Variants in COMMD10 observed in about 807,000 individuals in gnomAD.
COMMD10 encodes COMM domain containing 10.
COMMD10 carries 33 observed loss-of-function variants against 28.9 expected under a neutral mutation model. The observed-to-expected ratio is 1.14, with a 90% CI of 0.87 to 1.53. The LOEUF (loss-of-function observed/expected upper bound fraction) is 1.53, where lower values mean the gene tolerates loss of function less well. Among genes scored for constraint, COMMD10 ranks in the 40% most tolerant of loss-of-function variants. COMMD10 has a pLI of 0.00. For synonymous variants in COMMD10, 110 were observed against 81.7 expected, an observed-to-expected ratio of 1.35 and a Z score of -1.87; for missense variants, 310 against 233.4, an observed-to-expected ratio of 1.33 and a Z score of -2.14.
At chr5:116,117,337 A>G (rs757584604) in intron 4 of COMMD10, among the ~76,000 whole-genome samples, 4 of 152,118 alleles carry the variant, frequency 2.6e-5, no homozygotes, top group Non-Finnish European at 5.9e-5. Context: ...GAGACTTCCT[A>G]TTTAAGTTTT....
chr5:116,126,474 C>G (rs990025737), intron 4 of COMMD10, among the ~76,000 whole-genome samples: 4 of 152,086 alleles, frequency 2.6e-5, no homozygotes, highest in Non-Finnish European at 5.9e-5. Context: ...CAAGTCAATC[C>G]TAAGCAAAAA....
chr5:116,111,148 A>G (rs1370440306), intron 4 of COMMD10, among the ~76,000 whole-genome samples: 1 of 151,998 alleles, frequency 6.6e-6, no homozygotes, highest in African/African-American at 2.4e-5. Context: ...TTCTTATTAT[A>G]TTTGGATCTT....
At chr5:116,215,111 A>G (rs905592216) in intron 5 of COMMD10, among the ~76,000 whole-genome samples, 1 of 152,034 alleles carries the variant, frequency 6.6e-6, no homozygotes, top group Non-Finnish European at 1.5e-5. Flanking sequence ...GAGAGAAAAT[A>G]TATTTTATTG....
chr5:116,121,993 T>C (rs1317683191), intron 4 of COMMD10, among the ~76,000 whole-genome samples: 2 of 152,120 alleles, frequency 1.3e-5, no homozygotes, highest in African/African-American at 4.8e-5. Flanking sequence ...TTAATTAGAT[T>C]CCATTTGACT....
intron 5 of COMMD10, chr5:116,218,034 C>A: frequency 9.2e-7 from 1 of 1,091,116 alleles, no homozygotes; most frequent in Non-Finnish European, 1.4e-6. Context: ...CTCTTGGCAC[C>A]TCCAGCACCT....
intron 5 of COMMD10, among the ~76,000 whole-genome samples, chr5:116,232,605 A>G (rs997341473): frequency 6.6e-6 from 1 of 152,042 alleles, no homozygotes; most frequent in Admixed American, 6.6e-5. Context: ...GGAGGCTGAG[A>G]CAAGAGAATT....
chr5:116,099,849 C>A (rs948312260), intron 4 of COMMD10, among the ~76,000 whole-genome samples: 8 of 151,964 alleles, frequency 5.3e-5, no homozygotes, highest in African/African-American at 1.7e-4. Flanking sequence ...TGTATGTTAA[C>A]CTCTTATACA....
intron 5 of COMMD10, among the ~76,000 whole-genome samples, chr5:116,272,843 T>C (rs150720939): frequency 6.6e-6 from 1 of 151,966 alleles, no homozygotes; most frequent in African/African-American, 2.4e-5. Flanking sequence ...TGGTGTTGGC[T>C]CTGGTTTCTG....
chr5:116,189,542 A>G (rs1034443257), intron 5 of COMMD10, among the ~76,000 whole-genome samples: 19 of 152,096 alleles, frequency 1.2e-4, no homozygotes, highest in African/African-American at 3.4e-4. Flanking sequence ...ATTGTTTCCT[A>G]CTTAACTTAA....
intron 5 of COMMD10, among the ~76,000 whole-genome samples, chr5:116,259,758 G>A (rs907317558): frequency 5.3e-5 from 8 of 151,656 alleles, no homozygotes; most frequent in East Asian, 3.9e-4. Context: ...CCTGGGTTTC[G>A]GACTACATTT....
chr5:116,182,169 G>A (rs528936477), intron 5 of COMMD10, among the ~76,000 whole-genome samples: 2 of 152,008 alleles, frequency 1.3e-5, no homozygotes, highest in African/African-American at 2.4e-5. Flanking sequence ...GGAGGGAGGC[G>A]CATTATTCAA....
At chr5:116,103,270 A>G (rs1368877626) in intron 4 of COMMD10, among the ~76,000 whole-genome samples, 1 of 152,172 alleles carries the variant, frequency 6.6e-6, no homozygotes, top group Non-Finnish European at 1.5e-5. Context: ...GGTTGAACTA[A>G]TTTACACTCC....
At chr5:116,176,208 T>G (rs1753505989) in intron 5 of COMMD10, among the ~76,000 whole-genome samples, 1 of 152,162 alleles carries the variant, frequency 6.6e-6, no homozygotes, top group Non-Finnish European at 1.5e-5. Flanking sequence ...ACCTACAAGA[T>G]TCAAGCAATT....
chr5:116,254,967 T>A (rs1296374016), intron 5 of COMMD10, among the ~76,000 whole-genome samples: 2 of 151,538 alleles, frequency 1.3e-5, no homozygotes, highest in African/African-American at 4.9e-5. Flanking sequence ...ACTTGCTTTA[T>A]GAATCTTGGT....
At chr5:116,260,474 G>T (rs1750414182) in intron 5 of COMMD10, among the ~76,000 whole-genome samples, 1 of 151,770 alleles carries the variant, frequency 6.6e-6, no homozygotes, top group Non-Finnish European at 1.5e-5. Context: ...TTTAAAGTAG[G>T]CATGTTATTT....
intron 5 of COMMD10, among the ~76,000 whole-genome samples, chr5:116,182,086 A>G (rs1311181550): frequency 1.3e-5 from 2 of 152,108 alleles, no homozygotes; most frequent in Non-Finnish European, 2.9e-5. Flanking sequence ...AAACTATTTT[A>G]GGTGTAGTGA....
Position 116,153,029 on chromosome 5 carries a change from T to G in COMMD10, c.510+18851T>G, listed in dbSNP as rs190321197. 4.0e-3 allele frequency among the ~76,000 whole-genome samples: 609 copies of G among 152,200 alleles called. 3 individuals are homozygous for G. The highest frequency in any genetic ancestry group is 6.7e-3 in the Non-Finnish European group (458 of 67,982). On this transcript the variant is annotated intron_variant, in intron 5 of 6. Coordinates refer to ENST00000274458, the MANE Select transcript of COMMD10 (RefSeq NM_016144.4). ...TGGCATGGTAGTAACTGTTTAATAA[T>G]AAGACTGCTACTACATAATAGCATA...
intron 5 of COMMD10, among the ~76,000 whole-genome samples, chr5:116,211,441 T>TAATG (rs1748960383): frequency 6.6e-6 from 1 of 152,140 alleles, no homozygotes; most frequent in Non-Finnish European, 1.5e-5. Context: ...ATAGAAAAGG[T>TAATG]AATGGGTTGC....
chr5:116,289,144 A>C (rs985292463), intron 5 of COMMD10, among the ~76,000 whole-genome samples: 5 of 151,744 alleles, frequency 3.3e-5, no homozygotes, highest in Admixed American at 2.6e-4. Flanking sequence ...AGCCTCCCAA[A>C]GTACTGGGAT....
Sources: gnomAD v4.1 joint callset for allele counts (sites outside exome capture counted in the v4.1 genomes callset) on GRCh38, gnomAD v4.1.1 for gene constraint, MANE v1.5 for transcripts, NCBI Gene and HGNC (gene_info 2026-07-23, HGNC 2026-07-21) for gene names.